The following FRMD6 variants were observed in gnomAD, a reference collection of about 807,000 sequenced individuals.
FRMD6 encodes the protein FERM domain containing 6.
FRMD6 carries 37 observed loss-of-function variants against 73.2 expected under a neutral mutation model. That is an observed-to-expected ratio of 0.51 (90% CI 0.39 to 0.66). FRMD6 has a LOEUF of 0.66. Ranked by LOEUF, FRMD6 falls within the 30% of genes least tolerant of loss-of-function variation. FRMD6 has a pLI of 0.00. For missense variants in FRMD6, 714 were observed against 780.5 expected (o/e 0.91, Z 1.02); for synonymous variants, 273 against 282.2 (o/e 0.97, Z 0.33).
chr14:51,694,707 C>T (rs1895826562), intron 2 of FRMD6, among the ~76,000 whole-genome samples: 2 of 152,058 alleles, frequency 1.3e-5, no homozygotes, highest in African/African-American at 4.8e-5. Context: ...AAAAAATAGT[C>T]CATATAGAGT....
intron 2 of FRMD6, among the ~76,000 whole-genome samples, chr14:51,623,018 T>A (rs1398350553): frequency 6.6e-6 from 1 of 152,176 alleles, no homozygotes; most frequent in African/African-American, 2.4e-5. Flanking sequence ...GATTACAGGC[T>A]TGTGCCACCA....
rs7148310 is a variant in FRMD6, at chr14:51,499,476, A to C, written c.-210+10056A>C. Among the ~76,000 whole-genome samples the C allele has an allele frequency of 4.1e-3, 618 of 152,344 alleles. 4 individuals are homozygous for C. The highest frequency in any genetic ancestry group is 0.014 in the African/African-American group (579 of 41,568). ...TTGTATAAAAGCTTCAACTACATTA[A>C]CTTATTTAATCCTTAAAGCAGTCTG... is the stretch of plus-strand genomic sequence containing the variant. On this transcript the variant is annotated intron_variant, in intron 1 of 14. Transcript: ENST00000356218.
chr14:51,403,963 C>T, the FRMD6 span, among the ~76,000 whole-genome samples: 1 of 152,016 alleles, frequency 6.6e-6, no homozygotes, highest in Non-Finnish European at 1.5e-5. Flanking sequence ...TTGTGAATCT[C>T]CAAATTTATT....
chr14:51,484,666 A>G (rs1882728732), upstream of FRMD6, among the ~76,000 whole-genome samples: 1 of 152,220 alleles, frequency 6.6e-6, no homozygotes, highest in South Asian at 2.1e-4. Flanking sequence ...CCCATGTGCA[A>G]CTAATTTGGA....
chr14:51,636,620 T>C (rs1891578382), intron 2 of FRMD6, among the ~76,000 whole-genome samples: 2 of 152,174 alleles, frequency 1.3e-5, no homozygotes, highest in Non-Finnish European at 1.5e-5. Context: ...TAAAATGCTG[T>C]CCAAGTGTTA....
chr14:51,641,347 G>T (rs28457173), intron 2 of FRMD6, among the ~76,000 whole-genome samples: 21,696 of 152,072 alleles, frequency 0.14, 2,012 homozygotes, highest in African/African-American at 0.27. Flanking sequence ...TAAGTGAAAA[G>T]CTTAGGTTTC....
chr14:51,529,991 A>G (rs1238767236), intron 1 of FRMD6, among the ~76,000 whole-genome samples: 1 of 152,206 alleles, frequency 6.6e-6, no homozygotes, highest in African/African-American at 2.4e-5. Context: ...AATGCCTGCA[A>G]TTGTGAGCTG....
At chr14:51,617,648 T>C (rs1266909219) in intron 2 of FRMD6, among the ~76,000 whole-genome samples, 2 of 141,728 alleles carry the variant, frequency 1.4e-5, no homozygotes, top group Non-Finnish European at 3.1e-5. Flanking sequence ...CCTCGTAGGG[T>C]TGTTGAAGGG....
the FRMD6 span, among the ~76,000 whole-genome samples, chr14:51,440,627 A>G: frequency 6.6e-6 from 1 of 152,222 alleles, no homozygotes; most frequent in East Asian, 1.9e-4. Flanking sequence ...TGAAGGCAGA[A>G]TAGTGTCAAG....
chr14:51,407,052 T>A, the FRMD6 span, among the ~76,000 whole-genome samples: 1 of 152,146 alleles, frequency 6.6e-6, no homozygotes, highest in African/African-American at 2.4e-5. Flanking sequence ...TTATATTAAC[T>A]GCAATTAATG....
intron 1 of FRMD6, among the ~76,000 whole-genome samples, chr14:51,677,258 A>G (rs569928218): frequency 6.6e-6 from 1 of 152,250 alleles, no homozygotes; most frequent in African/African-American, 2.4e-5. Context: ...AATCTTTGTT[A>G]GGGGCATTAT....
the FRMD6 span, among the ~76,000 whole-genome samples, chr14:51,411,937 T>G: frequency 1.8e-4 from 27 of 152,324 alleles, no homozygotes; most frequent in Middle Eastern, 3.4e-3. Context: ...AGGTATAACA[T>G]TTTAAATTAA....
At chr14:51,607,540 A>C (rs1890312594) in intron 2 of FRMD6, among the ~76,000 whole-genome samples, 2 of 152,212 alleles carry the variant, frequency 1.3e-5, no homozygotes, top group Admixed American at 1.3e-4. Context: ...TTGCCATGTA[A>C]GTAATATTTC....
At chr14:51,477,100 C>T in the FRMD6 span, among the ~76,000 whole-genome samples, 48 of 152,172 alleles carry the variant, frequency 3.2e-4, no homozygotes, top group African/African-American at 1.1e-3. Flanking sequence ...AGAAAACTTT[C>T]CTGCCTGCAG....
At chr14:51,518,151 T>A (rs559753590) in intron 1 of FRMD6, among the ~76,000 whole-genome samples, 1 of 152,234 alleles carries the variant, frequency 6.6e-6, no homozygotes, top group Non-Finnish European at 1.5e-5. Context: ...CCCCGTGGAA[T>A]TGGTGAAGCA....
intron 1 of FRMD6, among the ~76,000 whole-genome samples, chr14:51,525,019 T>A (rs969170326): frequency 4.3e-4 from 1 of 2,328 alleles, no homozygotes; most frequent in South Asian, 0.012. Context: ...GTTGGGTGGG[T>A]GGGTGGGTGG....
chr14:51,724,223 ACACT>A (rs1345454592), intron 12 of FRMD6: 3 of 151,934 alleles, frequency 2.0e-5, no homozygotes, highest in African/African-American at 7.2e-5. Context: ...AAAAAAAAAA[ACACT>A]CAGCTAAGAT....
At chr14:51,451,368 C>A in the FRMD6 span, among the ~76,000 whole-genome samples, 1 of 152,190 alleles carries the variant, frequency 6.6e-6, no homozygotes, top group African/African-American at 2.4e-5. Context: ...TGAATTCTCA[C>A]TCTATGCATA....
intron 1 of FRMD6, among the ~76,000 whole-genome samples, chr14:51,494,550 C>T (rs955434646): frequency 3.9e-5 from 6 of 152,232 alleles, no homozygotes; most frequent in African/African-American, 1.4e-4. Context: ...TCTACCCTCA[C>T]AGATTTGTCG....
Sources: gnomAD v4.1 joint callset for allele counts (sites outside exome capture counted in the v4.1 genomes callset) on GRCh38, gnomAD v4.1.1 for gene constraint, MANE v1.5 for transcripts, NCBI Gene and HGNC (gene_info 2026-07-23, HGNC 2026-07-21) for gene names.